The following HOPX variants were observed in gnomAD, a reference collection of about 807,000 sequenced individuals.
HOPX encodes the protein homeodomain-only protein.
HOPX carries 5 observed loss-of-function variants against 11.8 expected under a neutral mutation model. The observed-to-expected ratio is 0.43, with a 90% CI of 0.22 to 0.89. The LOEUF is 0.89. Ranked by LOEUF, HOPX falls within the 40% of genes least tolerant of loss-of-function variation. The probability of loss-of-function intolerance (pLI) is 0.28; values close to 1 mark genes in which losing one functional copy is unlikely to be tolerated. For synonymous variants in HOPX, 49 were observed against 49.7 expected, an observed-to-expected ratio of 0.99 and a Z score of 0.06; for missense variants, 119 against 120.0, an observed-to-expected ratio of 0.99 and a Z score of 0.04.
chr4:56,655,667 G>A (rs1717622328), intron 3 of HOPX, among the ~76,000 whole-genome samples, 190 bp downstream of exon 3: 1 of 152,202 alleles, frequency 6.6e-6, no homozygotes, highest in African/African-American at 2.4e-5. Flanking sequence ...GGGCGCCCAT[G>A]GGAGCGGGGA....
chr4:56,660,700 A>G (rs1199365500), intron 1 of HOPX, among the ~76,000 whole-genome samples: 1 of 152,216 alleles, frequency 6.6e-6, no homozygotes, highest in Non-Finnish European at 1.5e-5. Flanking sequence ...ACTATTTAGA[A>G]GATTAGGGAA....
chr4:56,681,529 T>G, upstream of HOPX: 1 of 999,942 alleles, frequency 1.0e-6, no homozygotes, highest in Non-Finnish European at 1.2e-6. Context: ...CGTCACTATC[T>G]TCTCGTCCCT....
At chr4:56,672,366 C>G (rs899729162) in intron 1 of HOPX, among the ~76,000 whole-genome samples, 1 of 151,398 alleles carries the variant, frequency 6.6e-6, no homozygotes, top group Non-Finnish European at 1.5e-5. Flanking sequence ...TGGAGAAACC[C>G]CGCCTCTACT....
chr4:56,669,130 G>C (rs1718590914), intron 1 of HOPX, among the ~76,000 whole-genome samples: 1 of 152,232 alleles, frequency 6.6e-6, no homozygotes, highest in African/African-American at 2.4e-5. Context: ...CTGACAGTCA[G>C]AGTGGCCTAG....
chr4:56,656,266 C>T (rs911702399), intron 2 of HOPX: 86 of 1,164,328 alleles, frequency 7.4e-5, no homozygotes, highest in Middle Eastern at 3.5e-4. Context: ...CCTCCCGCGC[C>T]CCCCGGGACC....
intron 3 of HOPX, among the ~76,000 whole-genome samples, chr4:56,655,168 A>G (rs932602889): frequency 6.6e-6 from 1 of 152,182 alleles, no homozygotes; most frequent in African/African-American, 2.4e-5. Flanking sequence ...TTAGCTATCT[A>G]CCGTCTTATA....
intron 1 of HOPX, chr4:56,662,538 G>C (rs1280727800): frequency 1.3e-5 from 2 of 149,816 alleles, no homozygotes; most frequent in Non-Finnish European, 3.0e-5. Context: ...GGAGTGCAGT[G>C]GTGTGATCTT....
chr4:56,675,953 A>G (rs559258538), intron 1 of HOPX, among the ~76,000 whole-genome samples: 1 of 151,854 alleles, frequency 6.6e-6, no homozygotes, highest in South Asian at 2.1e-4. Flanking sequence ...CAACAATGTC[A>G]TCTTTCTATA....
At chr4:56,671,689 C>T (rs187927335) in intron 1 of HOPX, among the ~76,000 whole-genome samples, 71 of 152,048 alleles carry the variant, frequency 4.7e-4, no homozygotes, top group South Asian at 8.3e-4. Flanking sequence ...ATTAACATCA[C>T]GAAATAATTG....
At chr4:56,676,990 G>T (rs1263572845) in intron 1 of HOPX, among the ~76,000 whole-genome samples, 1 of 151,794 alleles carries the variant, frequency 6.6e-6, no homozygotes, top group Non-Finnish European at 1.5e-5. Flanking sequence ...CTGCACAACT[G>T]GGTCCCCAAA....
intron 1 of HOPX, chr4:56,665,662 A>C (rs920804221): frequency 1.3e-5 from 2 of 152,204 alleles, no homozygotes; most frequent in African/African-American, 4.8e-5. Flanking sequence ...ACTGTGTGCC[A>C]GGTCCTGTCT....
chr4:56,670,902 T>G lies in HOPX; in HGVS notation c.-84+10353A>C, dbSNP rs1165571263. The stretch of plus-strand genomic sequence containing the variant: ...ATCTCAGCTACTCGGGAGGCTGAGG[T>G]AGGAGAATCGCTTGAACCCGGGAGG... On this transcript the variant is annotated intron_variant, in intron 1 of 3. Coordinates refer to ENST00000420433, the MANE Select transcript of HOPX (RefSeq NM_032495.6). Among the ~76,000 whole-genome samples, 290 of 150,346 alleles carry G rather than the reference T, an allele frequency of 1.9e-3. 4 individuals are homozygous for G. The highest frequency in any genetic ancestry group is 6.9e-3 in the African/African-American group (278 of 40,512).
chr4:56,656,187 C>T, intron 2 of HOPX, 175 bp from the exon 3 acceptor site: 2 of 1,116,854 alleles, frequency 1.8e-6, no homozygotes, highest in Non-Finnish European at 2.3e-6. Flanking sequence ...TTACGGCTGC[C>T]CCCCACCCGG....
chr4:56,659,186 T>A (rs1472885058), intron 1 of HOPX: 1 of 152,148 alleles, frequency 6.6e-6, no homozygotes, highest in African/African-American at 2.4e-5. Flanking sequence ...GAACAAAAGG[T>A]TATCAATGGC....
At chr4:56,661,608 A>G (rs758449353) in intron 1 of HOPX, among the ~76,000 whole-genome samples, 59 of 152,230 alleles carry the variant, frequency 3.9e-4, no homozygotes, top group Admixed American at 1.5e-3. Flanking sequence ...ATCCTCATCA[A>G]CACTTGTACG....
intron 1 of HOPX, among the ~76,000 whole-genome samples, chr4:56,673,885 A>C (rs1331097105): frequency 6.6e-6 from 1 of 151,532 alleles, no homozygotes; most frequent in Admixed American, 6.6e-5. Flanking sequence ...TTGGATTTTT[A>C]GTAGAGACGG....
chr4:56,677,153 AT>A (rs1343576291), intron 1 of HOPX, among the ~76,000 whole-genome samples: 3 of 151,768 alleles, frequency 2.0e-5, no homozygotes, highest in Non-Finnish European at 4.4e-5. Flanking sequence ...GTGGCTCTCC[AT>A]TTTTCAGAAA....
rs1245229998 is a variant in HOPX, at chr4:56,678,192, T to C, written c.-84+3063A>G. On this transcript the variant is annotated intron_variant, in intron 1 of 3. Coordinates refer to ENST00000420433, the MANE Select transcript of HOPX (RefSeq NM_032495.6). ...CTCTTTCTTTACCTTTGAGCCTCTG[T>C]TGCTGTGTTCCCTGAGCCTCCCAAG... 3.3e-5 allele frequency among the ~76,000 whole-genome samples: 5 copies of C among 151,420 alleles called. No homozygotes were observed. The East Asian group carries it at 9.7e-4, about 29-fold the overall frequency.
At chr4:56,671,100 T>C (rs1168649393) in intron 1 of HOPX, among the ~76,000 whole-genome samples, 1 of 152,092 alleles carries the variant, frequency 6.6e-6, no homozygotes, top group East Asian at 1.9e-4. Context: ...TTTCTAAAAA[T>C]GTTCTCATTC....
Sources: gnomAD v4.1 joint callset for allele counts (sites outside exome capture counted in the v4.1 genomes callset) on GRCh38, gnomAD v4.1.1 for gene constraint, MANE v1.5 for transcripts, NCBI Gene and HGNC (gene_info 2026-07-23, HGNC 2026-07-21) for gene names.